The following NIPAL2 variants were observed in gnomAD, a reference collection of about 807,000 sequenced individuals.
NIPAL2 encodes the protein NIPA like domain containing 2.
In NIPAL2, 43 loss-of-function variants were observed where a neutral mutation model predicts 48.9. The ratio of observed to expected loss-of-function variants is 0.88; its 90% CI spans 0.69 to 1.13. The LOEUF (loss-of-function observed/expected upper bound fraction) is 1.13. Among genes scored for constraint, NIPAL2 ranks in the 50% most tolerant of loss-of-function variants. The pLI, the probability that NIPAL2 is intolerant of heterozygous loss-of-function variation, is 0.00. For missense variants in NIPAL2, 446 were observed against 461.4 expected, an observed-to-expected ratio of 0.97 and a Z score of 0.31; for synonymous variants, 167 against 174.6, an observed-to-expected ratio of 0.96 and a Z score of 0.34.
intron 3 of NIPAL2, 175 bp downstream of exon 3, chr8:98,252,288 T>C (rs763273933): frequency 6.7e-6 from 4 of 599,982 alleles, no homozygotes; most frequent in Non-Finnish European, 1.1e-5. Context: ...TCATGGTTAA[T>C]GTGACAGCAT....
chr8:98,269,822 T>A (rs1457280614), intron 1 of NIPAL2, among the ~76,000 whole-genome samples: 1 of 152,102 alleles, frequency 6.6e-6, no homozygotes, highest in African/African-American at 2.4e-5. Context: ...AATAGGCAGT[T>A]TTTTTAACTC....
chr8:98,293,451 G>C (rs903508602), intron 1 of NIPAL2, among the ~76,000 whole-genome samples: 1 of 152,186 alleles, frequency 6.6e-6, no homozygotes, highest in African/African-American at 2.4e-5. Context: ...AAGAATGAGA[G>C]TCCTGCAAAT....
At chr8:98,204,645 A>T (rs1360064355) in intron 7 of NIPAL2, among the ~76,000 whole-genome samples, 3 of 151,944 alleles carry the variant, frequency 2.0e-5, no homozygotes, top group Non-Finnish European at 4.4e-5. Flanking sequence ...AAAGATGCAA[A>T]ATTTTGGGGA....
At chr8:98,220,424 G>A (rs879533742) in intron 5 of NIPAL2, among the ~76,000 whole-genome samples, 2 of 69,372 alleles carry the variant, frequency 2.9e-5, no homozygotes, top group African/African-American at 5.6e-5. Context: ...TTTTTTTTTT[G>A]TCTTGAGACA....
chr8:98,262,148 C>A (rs1444904184), intron 1 of NIPAL2, among the ~76,000 whole-genome samples: 1 of 147,358 alleles, frequency 6.8e-6, no homozygotes, highest in African/African-American at 2.5e-5. Flanking sequence ...TGGAAAGGAA[C>A]AACCGGTACC....
chr8:98,281,054 A>C (rs1023469933), intron 1 of NIPAL2, among the ~76,000 whole-genome samples: 1 of 152,034 alleles, frequency 6.6e-6, no homozygotes, highest in Admixed American at 6.6e-5. Flanking sequence ...GATGTTAAGG[A>C]GAAAAATAAA....
chr8:98,273,882 A>T (rs1214023730), intron 1 of NIPAL2, among the ~76,000 whole-genome samples: 1 of 152,022 alleles, frequency 6.6e-6, no homozygotes, highest in Non-Finnish European at 1.5e-5. Flanking sequence ...TTGGACGTAC[A>T]TAGTCATTGT....
chr8:98,261,712 T>G (rs1266478834), intron 1 of NIPAL2, among the ~76,000 whole-genome samples: 1 of 147,374 alleles, frequency 6.8e-6, no homozygotes, highest in African/African-American at 2.5e-5. Flanking sequence ...CTGCAGGATA[T>G]TATCCAGGAG....
chr8:98,235,534 T>G (rs964191697), intron 4 of NIPAL2, among the ~76,000 whole-genome samples: 1 of 152,206 alleles, frequency 6.6e-6, no homozygotes, highest in Non-Finnish European at 1.5e-5. Context: ...TATGCAATAC[T>G]TTCGTGTAAC....
At chr8:98,218,754 T>C (rs1174406952) in intron 5 of NIPAL2, among the ~76,000 whole-genome samples, 2 of 152,054 alleles carry the variant, frequency 1.3e-5, no homozygotes, top group African/African-American at 4.8e-5. Flanking sequence ...GCCATGCCCA[T>C]GAGGGTGAGT....
intron 10 of NIPAL2, 100 bp downstream of exon 10, chr8:98,194,628 T>A (rs979228670): frequency 1.7e-6 from 1 of 573,114 alleles, no homozygotes; most frequent in Non-Finnish European, 2.9e-6. Flanking sequence ...TTTTTTAGGA[T>A]AAGAATTATG....
intron 4 of NIPAL2, among the ~76,000 whole-genome samples, chr8:98,233,316 T>A (rs1220233353): frequency 6.7e-6 from 1 of 148,250 alleles, no homozygotes. Context: ...ATTAAAGGTT[T>A]TATTTTGTTA....
At chr8:98,196,087 T>A in intron 8 of NIPAL2, 82 bp from the exon 9 acceptor site, 2 of 849,218 alleles carry the variant, frequency 2.4e-6, no homozygotes, top group Non-Finnish European at 1.8e-6. Flanking sequence ...AAAATTATGT[T>A]AATATGTTAT....
intron 1 of NIPAL2, among the ~76,000 whole-genome samples, chr8:98,260,197 G>A (rs1326965021): frequency 1.3e-5 from 2 of 152,144 alleles, no homozygotes; most frequent in Non-Finnish European, 2.9e-5. Context: ...TCCCTGACAG[G>A]TATTCACTAT....
At chr8:98,215,993 A>G (rs1274602262) in intron 5 of NIPAL2, among the ~76,000 whole-genome samples, 3 of 152,180 alleles carry the variant, frequency 2.0e-5, no homozygotes, top group Non-Finnish European at 4.4e-5. Context: ...TTAGCACTGG[A>G]TGCCCCACTG....
chr8:98,244,139 C>T (rs1277638963), intron 3 of NIPAL2, among the ~76,000 whole-genome samples: 3 of 147,818 alleles, frequency 2.0e-5, no homozygotes, highest in South Asian at 2.1e-4. Context: ...AGAAAAAGAA[C>T]GTTTGGTTGA....
chr8:98,243,622 A>G (rs1227882262), intron 3 of NIPAL2, among the ~76,000 whole-genome samples: 1 of 152,238 alleles, frequency 6.6e-6, no homozygotes, highest in African/African-American at 2.4e-5. Context: ...CAAGAGAGAA[A>G]AAGCCAACCA....
At chr8:98,217,225 T>C (rs1450556933) in intron 5 of NIPAL2, 1 of 985,352 alleles carries the variant, frequency 1.0e-6, no homozygotes, top group Non-Finnish European at 1.2e-6. Flanking sequence ...GAAAAGCTCC[T>C]GAGCCTTGTC....
chr8:98,205,162 A>G lies in NIPAL2; in HGVS notation c.740T>C (p.Ile247Thr). Residue 247 changes from isoleucine to threonine, a missense_variant, in exon 7 of 11, where the codon ATT becomes ACT. Coordinates refer to ENST00000430223, the MANE Select transcript of NIPAL2 (RefSeq NM_001321635.2). ...VMDKMQLTYP[I>T]FYIMFIIMIA... ...CATGATGATAAACATGATATAGAAA[A>G]TGGGGTAAGTTAGTTGCATTTTATC... is the stretch of plus-strand genomic sequence containing the variant. The G allele has an allele frequency of 3.1e-6, 5 of 1,613,814 alleles. No homozygotes were observed. Among genetic ancestry groups the G allele is most frequent in the Non-Finnish European group, 4.2e-6 (5 of 1,179,764 alleles).
Sources: gnomAD v4.1 joint callset for allele counts (sites outside exome capture counted in the v4.1 genomes callset) on GRCh38, gnomAD v4.1.1 for gene constraint, MANE v1.5 for transcripts, NCBI Gene and HGNC (gene_info 2026-07-23, HGNC 2026-07-21) for gene names.